Variants in ATP7B observed in about 807,000 individuals in gnomAD.
ATP7B encodes ATPase copper transporting beta.
ATP7B carries 113 observed loss-of-function variants against 118.9 expected under a neutral mutation model. The ratio of observed to expected loss-of-function variants is 0.95; its 90% CI spans 0.82 to 1.11. The LOEUF (loss-of-function observed/expected upper bound fraction) is 1.11, where lower values mean the gene tolerates loss of function less well. Among genes scored for constraint, ATP7B ranks in the 50% most tolerant of loss-of-function variants. The probability of loss-of-function intolerance (pLI) is 0.00; values close to 1 mark genes in which losing one functional copy is unlikely to be tolerated. For missense variants in ATP7B, 1,867 were observed against 1,871.4 expected (o/e 1.00, Z 0.04); for synonymous variants, 777 against 727.4 (o/e 1.07, Z -1.10).
intron 1 of ATP7B, among the ~76,000 whole-genome samples, chr13:52,003,570 C>G (rs1380241335): frequency 6.6e-6 from 1 of 151,868 alleles, no homozygotes; most frequent in Non-Finnish European, 1.5e-5. Context: ...TATGCTGTTA[C>G]ACAAATGGCG....
intron 2 of ATP7B, among the ~76,000 whole-genome samples, chr13:51,972,747 C>A (rs1391710311): frequency 1.3e-5 from 2 of 152,226 alleles, no homozygotes; most frequent in African/African-American, 4.8e-5. Context: ...CGCCTGCAAT[C>A]CCAGCACTTT....
intron 16 of ATP7B, among the ~76,000 whole-genome samples, chr13:51,939,816 AAGAG>A (rs1173059159): frequency 6.6e-6 from 1 of 152,098 alleles, no homozygotes; most frequent in African/African-American, 2.4e-5. Flanking sequence ...AAAGGGAAAA[AAGAG>A]AGAGAATGTG....
intron 1 of ATP7B, among the ~76,000 whole-genome samples, chr13:52,009,525 C>T (rs561109438): frequency 3.9e-5 from 6 of 152,326 alleles, no homozygotes; most frequent in South Asian, 2.1e-4. Flanking sequence ...CTTTCTGTAA[C>T]CTCAGGATAG....
At chr13:52,012,032 T>G (rs1003648740), upstream of ATP7B, 9 of 390,208 alleles carry the variant, frequency 2.3e-5, no homozygotes, top group Non-Finnish European at 3.8e-5. Context: ...GGAAAATCGA[T>G]CCGCTGTGCG....
In ATP7B at chr13:51,934,628, TGGACATATCCA is replaced by T; in HGVS notation, c.*117_*127del. On this transcript the variant is annotated 3_prime_UTR_variant, in exon 21 of 21. Transcript: ENST00000242839. ...GCCGCGTGCTGCAGGGCAGGATGAC[TGGACATATCCA>T]GGGAGCGGAAGTCCCCAAAGCTGGA... 6.9e-7 allele frequency: 1 copy of T among 1,450,324 alleles called. No individual in the cohort carries two copies. The highest frequency in any genetic ancestry group is 1.2e-5 in the South Asian group (1 of 83,990). The allele number at this position is 1,450,324 out of a possible 1,614,324, so 89.8% of individuals were successfully genotyped here. A position where few individuals can be genotyped will look rare whatever the true frequency, so the allele number is the denominator to read the frequency against.
At chr13:51,991,496 G>GA (rs971759866) in intron 1 of ATP7B, among the ~76,000 whole-genome samples, 1 of 151,146 alleles carries the variant, frequency 6.6e-6, no homozygotes. Context: ...ACCCTGTCGG[G>GA]AAAAAAACAA....
intron 13 of ATP7B, 31 bp from the exon 14 acceptor site, chr13:51,944,322 C>A (rs761817639): frequency 6.2e-7 from 1 of 1,612,832 alleles, no homozygotes; most frequent in Non-Finnish European, 8.5e-7. Context: ...TCACTGACCA[C>A]AATACAGATG....
chr13:51,989,339 A>G (rs9526819), intron 1 of ATP7B, among the ~76,000 whole-genome samples: 63,027 of 152,036 alleles, frequency 0.41, 14,786 homozygotes, highest in East Asian at 0.53. Context: ...ATTCAAACAC[A>G]TAGGAGGGCC....
chr13:51,957,700 T>C (rs1958445580), intron 8 of ATP7B, 93 bp from the exon 9 acceptor site: 1 of 1,283,162 alleles, frequency 7.8e-7, no homozygotes, highest in Non-Finnish European at 1.1e-6. Flanking sequence ...TAGAGACAGC[T>C]GGTGCGAGAG....
rs1436405854 is a variant in ATP7B, at chr13:51,975,401, T to C, written c.52-233A>G. 1.6e-5 allele frequency: 11 copies of C among 700,480 alleles called. No individual in the cohort carries two copies. The East Asian group carries it at 3.2e-4, about 20-fold the overall frequency. 43.4% of individuals were successfully genotyped at this position (700,480 alleles called of 1,614,324 possible). ...ACTGTCTGTCCTCCTTAGTGAAATG[T>C]CGTTCTCACACAACAGACGTGGAGG... On this transcript the variant is annotated intron_variant, in intron 1 of 20. Transcript: ENST00000242839.
chr13:51,939,200 C>A lies in ATP7B; in HGVS notation c.3557-7G>T, dbSNP rs368128448. The A allele has an allele frequency of 6.2e-7, 1 of 1,612,348 alleles. No individual in the cohort carries two copies. The highest frequency in any genetic ancestry group is 1.3e-5 in the African/African-American group (1 of 74,920). On this transcript the variant is annotated splice_region_variant and splice_polypyrimidine_tract_variant and intron_variant, in intron 16 of 20. Coordinates refer to ENST00000242839, the MANE Select transcript of ATP7B (RefSeq NM_000053.4). ...ATCATCCCACAGAGCACACCTGGAG[C>A]GAACCAGCCAGCATCAGCAGCTACA...
intron 3 of ATP7B, among the ~76,000 whole-genome samples, chr13:51,969,652 C>G (rs1356975440): frequency 1.3e-5 from 2 of 152,090 alleles, no homozygotes; most frequent in Non-Finnish European, 2.9e-5. Flanking sequence ...AAGGATGCCA[C>G]ATAGGATAAA....
rs761988573 is a variant in ATP7B at position 51,939,176 on chromosome 13, T to A, written c.3574A>T (p.Ile1192Phe). 6.2e-7 allele frequency: 1 copy of A among 1,613,822 alleles called. No homozygotes were observed. The highest frequency in any genetic ancestry group is 1.1e-5 in the South Asian group (1 of 91,086). The change falls in exon 17 of 21, where the codon ATC becomes TTC. Residue 1192 changes from isoleucine (I) to phenylalanine (F), a missense_variant. Ile to Phe is a conservative substitution (Grantham distance 21). Coordinates refer to ENST00000242839, the MANE Select transcript of ATP7B (RefSeq NM_000053.4). ...VAIDGVLCGM[I>F]AIADAVKQEA... ...TGCTTGACAGCGTCTGCGATTGCGA[T>A]CATCCCACAGAGCACACCTGGAGCG...
At chr13:51,973,080 T>C (rs1249386394) in intron 2 of ATP7B, among the ~76,000 whole-genome samples, 2 of 152,164 alleles carry the variant, frequency 1.3e-5, no homozygotes, top group Non-Finnish European at 2.9e-5. Flanking sequence ...TCTTCTCTTA[T>C]ATTCATCAAA....
intron 20 of ATP7B, 136 bp from the exon 21 acceptor site, chr13:51,935,165 G>C (rs1023608448): frequency 8.0e-7 from 1 of 1,256,780 alleles, no homozygotes. Flanking sequence ...CAAGGAAAAG[G>C]ACATTAAACT....
intron 1 of ATP7B, among the ~76,000 whole-genome samples, chr13:52,002,700 C>T (rs1157125208): frequency 1.4e-5 from 2 of 144,026 alleles, no homozygotes; most frequent in Non-Finnish European, 3.1e-5. Context: ...ATACAGGCAT[C>T]TCTCAGAGAT....
rs748003525 is a variant in ATP7B at position 51,944,141 on chromosome 13, A to G, written c.3211T>C (p.Leu1071=). 29 of 1,614,158 alleles carry G rather than the reference A, an allele frequency of 1.8e-5. No homozygotes were observed. The highest frequency in any genetic ancestry group is 1.7e-4 in the Admixed American group (10 of 60,020). Residue 1071 remains leucine (L), a synonymous_variant, in exon 14 of 21, where the codon TTG becomes CTG. Transcript: ENST00000242839. ...CAGTATTTGGTGACTGCCACGCCCA[A>G]GGGGTGTTCACTGCTGGCCTCCGCA... is the stretch of plus-strand genomic sequence containing the variant. ...GTAEASSEHP[L]GVAVTKYCKE... is the part of the protein sequence containing the mutation.
intron 16 of ATP7B, among the ~76,000 whole-genome samples, chr13:51,939,496 T>TGCAAGGAGCACG (rs1957189521): frequency 6.6e-6 from 1 of 152,226 alleles, no homozygotes; most frequent in African/African-American, 2.4e-5. Flanking sequence ...CGTATGACAC[T>TGCAAGGAGCACG]TTGCGAAGTG....
In ATP7B at chr13:51,957,507, A is replaced by AT; in HGVS notation, c.2447+8dup. The AT allele has an allele frequency of 6.2e-7, 1 of 1,611,724 alleles. No individual in the cohort carries two copies. Among genetic ancestry groups the AT allele is most frequent in the Non-Finnish European group, 8.5e-7 (1 of 1,177,764 alleles). ...CCAACCACAAAGACATTTGATAACC[A>AT]TAACTCACCTGATGATTAAATTGTC... On this transcript the variant is annotated intron_variant, in intron 9 of 20. Transcript: ENST00000242839.
Sources: gnomAD v4.1 joint callset for allele counts (sites outside exome capture counted in the v4.1 genomes callset) on GRCh38, gnomAD v4.1.1 for gene constraint, MANE v1.5 for transcripts, NCBI Gene and HGNC (gene_info 2026-07-23, HGNC 2026-07-21) for gene names.